The following GALC variants were observed in gnomAD, a reference collection of about 807,000 sequenced individuals.
GALC encodes galactosylceramidase.
Under a neutral mutation model 91.8 loss-of-function variants are expected in GALC, and 77 were observed. The ratio of observed to expected loss-of-function variants is 0.84; its 90% CI spans 0.70 to 1.01. The LOEUF (loss-of-function observed/expected upper bound fraction) is 1.01. Ranked by LOEUF, GALC falls within the 50% of genes least tolerant of loss-of-function variation. The probability of loss-of-function intolerance (pLI) is 0.00; values close to 1 mark genes in which losing one functional copy is unlikely to be tolerated. For missense variants in GALC, 882 were observed against 855.9 expected (o/e 1.03, Z -0.38); for synonymous variants, 357 against 306.7 (o/e 1.16, Z -1.71).
At chr14:87,965,756 C>T (rs1007212404) in intron 8 of GALC, 127 bp from the exon 9 acceptor site, 4 of 922,056 alleles carry the variant, frequency 4.3e-6, no homozygotes, top group Non-Finnish European at 6.6e-6. Context: ...AAAAGGATCA[C>T]CCAAAATAAG....
chr14:87,953,982 G>C, intron 10 of GALC: 1 of 1,609,314 alleles, frequency 6.2e-7, no homozygotes, highest in South Asian at 1.1e-5. Flanking sequence ...GGCATATACA[G>C]TGTTTCTTGG....
intron 10 of GALC, among the ~76,000 whole-genome samples, chr14:87,958,410 A>C (rs1429715831): frequency 6.6e-6 from 1 of 152,178 alleles, no homozygotes. Flanking sequence ...TAACACAGCC[A>C]TATTACCCAA....
chr14:87,956,853 T>C (rs560529102), intron 10 of GALC, among the ~76,000 whole-genome samples: 4 of 152,148 alleles, frequency 2.6e-5, no homozygotes, highest in East Asian at 1.9e-4. Flanking sequence ...TTGTTTTCCA[T>C]ATAGGTTGTA....
At chr14:87,977,548 G>A (rs753048244) in intron 6 of GALC, among the ~76,000 whole-genome samples, 2 of 152,122 alleles carry the variant, frequency 1.3e-5, no homozygotes, top group Non-Finnish European at 2.9e-5. Context: ...TTTTACTCAG[G>A]ATCAGGAAGA....
Position 87,968,502 on chromosome 14 carries a change from A to G in GALC, c.753-12T>C. ...CAGGATAATGAGCCCTAGAAAAAAA[A>G]AGGGTGGAAGTCAATGAAAAAAGGT... On this transcript the variant is annotated splice_polypyrimidine_tract_variant and intron_variant, in intron 7 of 16. Coordinates refer to ENST00000261304, the MANE Select transcript of GALC (RefSeq NM_000153.4). The G allele has an allele frequency of 1.2e-6, 2 of 1,613,678 alleles. No individual in the cohort carries two copies. Among genetic ancestry groups the G allele is most frequent in the Non-Finnish European group, 1.7e-6 (2 of 1,179,672 alleles).
In GALC at chr14:87,933,874, T is replaced by A. The variant is rs2139923298; in HGVS notation, c.*858A>T. ...TTCCACACATAAGGAGAGAAAAGCA[T>A]TCATCAGCTGTGTGAGTCTGTTACC... On this transcript the variant is annotated 3_prime_UTR_variant, in exon 17 of 17. Coordinates refer to ENST00000261304, the MANE Select transcript of GALC (RefSeq NM_000153.4). 1 of 930,492 alleles carries A rather than the reference T, an allele frequency of 1.1e-6. No homozygotes were observed. Among genetic ancestry groups the A allele is most frequent in the South Asian group, 1.5e-5 (1 of 65,136 alleles). 57.6% of individuals were successfully genotyped at this position (930,492 alleles called of 1,614,324 possible).
intron 10 of GALC, chr14:87,954,178 A>G (rs1566979894): frequency 6.3e-7 from 1 of 1,590,058 alleles, no homozygotes; most frequent in East Asian, 2.2e-5. Context: ...GTGTCCTCAA[A>G]ACATTCCTAC....
At position 87,976,386 on chromosome 14, in the gene GALC, C is replaced by G; in HGVS notation, c.724G>C (p.Glu242Gln). 1 of 1,614,012 alleles carries G rather than the reference C, an allele frequency of 6.2e-7. No homozygotes were observed. Among genetic ancestry groups the G allele is most frequent in the Admixed American group, 1.7e-5 (1 of 60,022 alleles). ...SISASMLLDA[E>Q]LFKVVDVIGA... ...ATAACATCAACCACCTTGAAGAGTT[C>G]GGCATCAAGGAGCATGGATGCAGAG... Residue 242 changes from glutamate to glutamine, a missense_variant, in exon 7 of 17, where the codon GAA (glutamate) becomes CAA (glutamine). By Grantham distance (29) the Glu-to-Gln change is conservative. Coordinates refer to ENST00000261304, the MANE Select transcript of GALC (RefSeq NM_000153.4).
chr14:87,982,112 C>T, intron 6 of GALC, 93 bp downstream of exon 6: 2 of 697,676 alleles, frequency 2.9e-6, no homozygotes, highest in Admixed American at 2.6e-5. Flanking sequence ...ACGGTATTTC[C>T]AACACAAATT....
chr14:87,951,213 A>T (rs1256590204), intron 10 of GALC, among the ~76,000 whole-genome samples: 2 of 151,834 alleles, frequency 1.3e-5, no homozygotes, highest in African/African-American at 4.8e-5. Flanking sequence ...CACTAAGGTC[A>T]GCTAAATATA....
At chr14:87,954,623 G>A (rs758670629) in intron 10 of GALC, 467 of 1,588,128 alleles carry the variant, frequency 2.9e-4, no homozygotes, top group South Asian at 4.5e-4. Context: ...GAAGATATCA[G>A]ACTTAGCAAC....
chr14:87,952,460 T>G, intron 10 of GALC: 2 of 493,744 alleles, frequency 4.1e-6, no homozygotes, highest in Non-Finnish European at 7.5e-6. Context: ...ACCAGTGGCT[T>G]CACTATAGGC....
At chr14:87,965,750 G>T in intron 8 of GALC, 121 bp from the exon 9 acceptor site, 9 of 969,224 alleles carry the variant, frequency 9.3e-6, no homozygotes, top group Non-Finnish European at 1.4e-5. Flanking sequence ...GACAATAAAA[G>T]GATCACCCAA....
intron 3 of GALC, chr14:87,987,076 T>C (rs987569382): frequency 4.2e-5 from 19 of 449,594 alleles, no homozygotes; most frequent in Admixed American, 2.9e-4. Context: ...GGAAGAGTTT[T>C]GAGGAAAAAA....
intron 10 of GALC, chr14:87,955,208 A>G: frequency 8.7e-7 from 1 of 1,145,772 alleles, no homozygotes. Flanking sequence ...TTCTGAGGCC[A>G]GAGGAAGAAA....
At chr14:87,940,992 C>T (rs528073742) in intron 15 of GALC, among the ~76,000 whole-genome samples, 8 of 151,914 alleles carry the variant, frequency 5.3e-5, no homozygotes, top group East Asian at 2.0e-4. Context: ...CATTTTAAGC[C>T]GATCAATTCC....
intron 5 of GALC, 91 bp downstream of exon 5, chr14:87,984,303 T>C (rs1295219456): frequency 9.4e-6 from 12 of 1,270,946 alleles, no homozygotes; most frequent in Non-Finnish European, 1.3e-5. Context: ...TGGCATAAAA[T>C]GGTTAGTCAA....
chr14:87,950,269 G>A (rs1416373229), intron 11 of GALC, among the ~76,000 whole-genome samples: 3 of 151,818 alleles, frequency 2.0e-5, no homozygotes, highest in East Asian at 3.9e-4. Context: ...TAATCAGAAA[G>A]GGTACTGCAG....
At position 87,965,639 on chromosome 14, in the gene GALC, T is replaced by A. The variant is rs398123178; in HGVS notation, c.909-10A>T. 2 of 1,612,978 alleles carry A rather than the reference T, an allele frequency of 1.2e-6. No homozygotes were observed. The highest frequency in any genetic ancestry group is 1.7e-6 in the Non-Finnish European group (2 of 1,179,340). ...ATTCCATGCGATTGTGCTAAAAGATTTGATAAAAAAGAAACACCAAGACAA... is the reference window on the plus strand; with the variant it reads ...ATTCCATGCGATTGTGCTAAAAGATATGATAAAAAAGAAACACCAAGACAA... On this transcript the variant is annotated splice_polypyrimidine_tract_variant and intron_variant, in intron 8 of 16. Coordinates refer to ENST00000261304, the MANE Select transcript of GALC (RefSeq NM_000153.4).
Sources: gnomAD v4.1 joint callset for allele counts (sites outside exome capture counted in the v4.1 genomes callset) on GRCh38, gnomAD v4.1.1 for gene constraint, MANE v1.5 for transcripts, NCBI Gene and HGNC (gene_info 2026-07-23, HGNC 2026-07-21) for gene names.